Variants in MCF2L2 observed in about 807,000 individuals in gnomAD.
MCF2L2 encodes the protein probable guanine nucleotide exchange factor MCF2L2.
Under a neutral mutation model 150.2 loss-of-function variants are expected in MCF2L2, and 102 were observed. That is an observed-to-expected ratio of 0.68 (90% CI 0.58 to 0.80). MCF2L2 has a LOEUF of 0.80. Ranked by LOEUF, MCF2L2 falls within the 30% of genes least tolerant of loss-of-function variation. The pLI, the probability that MCF2L2 is intolerant of heterozygous loss-of-function variation, is 0.00. For synonymous variants in MCF2L2, 465 were observed against 491.3 expected (o/e 0.95, Z 0.71); for missense variants, 1,256 against 1,372.8 (o/e 0.91, Z 1.34).
At chr3:183,223,515 A>T in intron 19 of MCF2L2, 77 bp from the exon 20 acceptor site, 2 of 1,108,112 alleles carry the variant, frequency 1.8e-6, no homozygotes, top group South Asian at 2.5e-5. Flanking sequence ...ATTTAGGTAC[A>T]AAACACAAAA....
intron 1 of MCF2L2, among the ~76,000 whole-genome samples, chr3:183,418,208 A>G (rs73184997): frequency 0.087 from 13,269 of 152,076 alleles, 590 homozygotes; most frequent in African/African-American, 0.1. Flanking sequence ...ATAAATAAAT[A>G]AACCCATCAG....
intron 14 of MCF2L2, among the ~76,000 whole-genome samples, chr3:183,279,622 A>G (rs73884632): frequency 0.026 from 3,926 of 152,250 alleles, 177 homozygotes; most frequent in African/African-American, 0.087. Context: ...GGCCTGCCCT[A>G]TTGGGAGGCC....
chr3:183,201,667 T>A (rs1722288615), intron 25 of MCF2L2, among the ~76,000 whole-genome samples: 1 of 152,176 alleles, frequency 6.6e-6, no homozygotes, highest in South Asian at 2.1e-4. Context: ...CTATGTTGAG[T>A]AGGAGTGGTG....
chr3:183,207,848 A>G (rs1722554817), intron 22 of MCF2L2, 25 bp from the exon 23 acceptor site: 1 of 1,560,154 alleles, frequency 6.4e-7, no homozygotes, highest in East Asian at 2.2e-5. Context: ...CATACAGGAA[A>G]AGAAGCTGTA....
At chr3:183,254,310 C>G (rs1057361350) in intron 15 of MCF2L2, 1 of 151,828 alleles carries the variant, frequency 6.6e-6, no homozygotes, top group Non-Finnish European at 1.5e-5. Flanking sequence ...TGGCCCGGAC[C>G]GCGCACGGCC....
At chr3:183,232,000 G>A (rs1723579134) in intron 15 of MCF2L2, among the ~76,000 whole-genome samples, 1 of 152,214 alleles carries the variant, frequency 6.6e-6, no homozygotes, top group Non-Finnish European at 1.5e-5. Flanking sequence ...TTTAGGGGAT[G>A]CTGTGGAAGG....
At chr3:183,420,240 T>C (rs1336850730) in intron 1 of MCF2L2, among the ~76,000 whole-genome samples, 1 of 152,232 alleles carries the variant, frequency 6.6e-6, no homozygotes, top group Non-Finnish European at 1.5e-5. Flanking sequence ...ATTTTCAGGT[T>C]ATCTTTATAG....
intron 3 of MCF2L2, chr3:183,377,222 G>C (rs1713241212): frequency 6.6e-6 from 1 of 152,062 alleles, no homozygotes; most frequent in South Asian, 2.1e-4. Context: ...GCCCCGGTAT[G>C]TGATGTTCCC....
intron 3 of MCF2L2, among the ~76,000 whole-genome samples, chr3:183,367,537 G>A (rs1712611855): frequency 6.6e-6 from 1 of 152,058 alleles, no homozygotes; most frequent in Admixed American, 6.5e-5. Context: ...GCCTACTGAT[G>A]TCTATTACTT....
intron 20 of MCF2L2, among the ~76,000 whole-genome samples, chr3:183,220,561 C>G (rs917738940): frequency 2.0e-5 from 3 of 151,990 alleles, no homozygotes; most frequent in Non-Finnish European, 4.4e-5. Flanking sequence ...AGCTAAATTC[C>G]TAGAGTGGAA....
At chr3:183,194,254 C>G (rs988728189) in intron 26 of MCF2L2, among the ~76,000 whole-genome samples, 1 of 152,132 alleles carries the variant, frequency 6.6e-6, no homozygotes, top group Non-Finnish European at 1.5e-5. Context: ...TGTATCAGAA[C>G]TGGATCACAG....
chr3:183,260,995 ATTTCT>A (rs1390929110), intron 15 of MCF2L2, among the ~76,000 whole-genome samples: 1 of 152,180 alleles, frequency 6.6e-6, no homozygotes, highest in Non-Finnish European at 1.5e-5. Flanking sequence ...ATTAGGTAGA[ATTTCT>A]TTTCTTTTTT....
At position 183,207,813 on chromosome 3, in the gene MCF2L2, C is replaced by T; in HGVS notation, c.2507G>A (p.Gly836Glu). Reference protein sequence around the residue: ...AAVTECPDDIGKLGKLLLHGP... With the variant: ...AAVTECPDDIEKLGKLLLHGP... Reference sequence around the variant, plus strand: ...GTGCAGCAACAGCTTGCCTAGTTTTCCAATATCGTCCTTTTGGAAACACAC... The same window carrying T: ...GTGCAGCAACAGCTTGCCTAGTTTTTCAATATCGTCCTTTTGGAAACACAC... The change falls in exon 23 of 30, where the codon GGA (glycine) becomes GAA (glutamate). Residue 836 changes from glycine to glutamate, a missense_variant. Transcript: ENST00000328913. 6.2e-7 allele frequency: 1 copy of T among 1,613,642 alleles called. No individual in the cohort carries two copies. Among genetic ancestry groups the T allele is most frequent in the Non-Finnish European group, 8.5e-7 (1 of 1,179,654 alleles).
At position 183,181,727 on chromosome 3, in the gene MCF2L2, A is replaced by G. The variant is rs1721529236; in HGVS notation, c.3017-1568T>C. On this transcript the variant is annotated intron_variant, in intron 27 of 29. Transcript: ENST00000328913. This position sits in a 1 kb window ranked among gnomAD's most constrained non-coding sequence, Gnocchi z 4.3. ...CATGAATAGGAAGGGCTGTGTCTCC[A>G]GGGTCCATGGCCTCTGTGCCCCGGA... Among the ~76,000 whole-genome samples, 1 of 152,158 alleles carries G rather than the reference A, an allele frequency of 6.6e-6. No individual in the cohort carries two copies. The highest frequency in any genetic ancestry group is 1.5e-5 in the Non-Finnish European group (1 of 68,014).
At chr3:183,233,747 T>C (rs1264670210) in intron 15 of MCF2L2, among the ~76,000 whole-genome samples, 1 of 152,184 alleles carries the variant, frequency 6.6e-6, no homozygotes, top group Non-Finnish European at 1.5e-5. Context: ...TTCTACAATC[T>C]TTTTTAAAGT....
chr3:183,279,004 T>C (rs963025548), intron 14 of MCF2L2, among the ~76,000 whole-genome samples: 2 of 152,118 alleles, frequency 1.3e-5, no homozygotes, highest in Non-Finnish European at 2.9e-5. Flanking sequence ...ACTGGTGCCA[T>C]TGAGGATGCA....
chr3:183,317,327 C>A (rs1306944987), intron 7 of MCF2L2, among the ~76,000 whole-genome samples: 1 of 152,162 alleles, frequency 6.6e-6, no homozygotes, highest in Non-Finnish European at 1.5e-5. Context: ...CTATTGAAAA[C>A]TGGGCTTCTG....
intron 11 of MCF2L2, chr3:183,297,806 T>C: frequency 6.5e-6 from 1 of 153,408 alleles, no homozygotes; most frequent in Non-Finnish European, 1.5e-5. Flanking sequence ...GGATTACAGG[T>C]GTGAGGCACT....
chr3:183,190,602 G>A (rs1721850370), intron 27 of MCF2L2, among the ~76,000 whole-genome samples: 1 of 152,236 alleles, frequency 6.6e-6, no homozygotes, highest in African/African-American at 2.4e-5. Context: ...TTACCATCTT[G>A]AGACAGAAGG....
Sources: gnomAD v4.1 joint callset for allele counts (sites outside exome capture counted in the v4.1 genomes callset) on GRCh38, gnomAD v4.1.1 for gene constraint, Gnocchi (gnomAD v3.1) non-coding constraint, MANE v1.5 for transcripts, NCBI Gene and HGNC (gene_info 2026-07-23, HGNC 2026-07-21) for gene names.